Variants in TMEM132D observed in about 807,000 individuals in gnomAD.
The protein encoded by TMEM132D is transmembrane protein 132D.
Under a neutral mutation model 62.3 loss-of-function variants are expected in TMEM132D, and 21 were observed. The ratio of observed to expected loss-of-function variants is 0.34; its 90% CI spans 0.24 to 0.49. TMEM132D has a LOEUF of 0.49. TMEM132D is among the 20% of genes least tolerant of loss of function. The probability of loss-of-function intolerance (pLI) is 0.99; values close to 1 mark genes in which losing one functional copy is unlikely to be tolerated. For synonymous variants in TMEM132D, 621 were observed against 575.6 expected, an observed-to-expected ratio of 1.08 and a Z score of -1.13; for missense variants, 1,346 against 1,402.8, an observed-to-expected ratio of 0.96 and a Z score of 0.65.
intron 3 of TMEM132D, among the ~76,000 whole-genome samples, chr12:129,463,744 A>G (rs1287109510): frequency 1.2e-4 from 18 of 151,644 alleles, no homozygotes; most frequent in East Asian, 3.9e-4. Flanking sequence ...TTGTCCTTGC[A>G]ATAGTTTGCT....
chr12:129,676,140 A>T (rs1565945219), intron 2 of TMEM132D, among the ~76,000 whole-genome samples: 1 of 152,204 alleles, frequency 6.6e-6, no homozygotes, highest in Admixed American at 6.5e-5. Context: ...TGGCCAAAGC[A>T]CAAAGGAGGC....
intron 5 of TMEM132D, 107 bp downstream of exon 5, chr12:129,209,413 T>C: frequency 1.4e-6 from 2 of 1,382,094 alleles, no homozygotes; most frequent in Non-Finnish European, 9.9e-7. Flanking sequence ...GGAGGGATCC[T>C]GTGGGACCCA....
rs576015185 is a variant in TMEM132D at position 129,571,297 on chromosome 12, G to T, written c.969-40092C>A. On this transcript the variant is annotated intron_variant, in intron 2 of 8. Coordinates refer to ENST00000422113, the MANE Select transcript of TMEM132D (RefSeq NM_133448.3). ...TTTGAAATTTAAGGCCGGGCGTGGT[G>T]GTTCACGCCTATAATCCCAGCACTT... Among the ~76,000 whole-genome samples, 5 of 152,266 alleles carry T rather than the reference G, an allele frequency of 3.3e-5. No individual in the cohort carries two copies. The South Asian group carries it at 1.0e-3, about 32-fold the overall frequency.
intron 1 of TMEM132D, among the ~76,000 whole-genome samples, chr12:129,859,557 A>T (rs899000537): frequency 1.3e-5 from 2 of 152,162 alleles, no homozygotes; most frequent in African/African-American, 2.4e-5. Context: ...GCCAGAGAAG[A>T]TGAACAACTG....
At chr12:129,637,440 T>C (rs1397013428) in intron 2 of TMEM132D, among the ~76,000 whole-genome samples, 1 of 152,098 alleles carries the variant, frequency 6.6e-6, no homozygotes, top group African/African-American at 2.4e-5. Context: ...GATCATGGGA[T>C]TGGAGTTCTC....
chr12:129,836,466 G>C (rs1181900268), intron 1 of TMEM132D, among the ~76,000 whole-genome samples: 1 of 151,938 alleles, frequency 6.6e-6, no homozygotes, highest in African/African-American at 2.4e-5. Flanking sequence ...TGATAACTAA[G>C]TGGATTGCTT....
At chr12:129,720,514 C>T (rs912832437) in intron 1 of TMEM132D, among the ~76,000 whole-genome samples, 5 of 152,178 alleles carry the variant, frequency 3.3e-5, no homozygotes, top group African/African-American at 9.7e-5. Flanking sequence ...CTTTCAAAGG[C>T]AGCCTGTTCA....
At chr12:129,541,020 A>C (rs1876569262) in intron 2 of TMEM132D, among the ~76,000 whole-genome samples, 1 of 152,196 alleles carries the variant, frequency 6.6e-6, no homozygotes, top group Non-Finnish European at 1.5e-5. Context: ...TACGTTTTCT[A>C]TTGCCATGGA....
intron 2 of TMEM132D, among the ~76,000 whole-genome samples, chr12:129,641,611 C>T (rs527861120): frequency 2.6e-5 from 4 of 152,236 alleles, no homozygotes; most frequent in East Asian, 1.9e-4. Context: ...AAAATGGTTC[C>T]GAATCTCATG....
At position 129,136,389 on chromosome 12, in the gene TMEM132D, A is replaced by G. The variant is rs116542886; in HGVS notation, c.1444-51687T>C. On this transcript the variant is annotated intron_variant, in intron 5 of 8. Transcript: ENST00000422113. ...TGGGGCTGTTCCTCAGTCTTTCCCTACCTTTCTTGACCTTACCAGTTTGGT... is the reference window on the plus strand; with the variant it reads ...TGGGGCTGTTCCTCAGTCTTTCCCTGCCTTTCTTGACCTTACCAGTTTGGT... 9.4e-3 allele frequency among the ~76,000 whole-genome samples: 1,436 copies of G among 152,074 alleles called. 22 individuals carry two copies. The highest frequency in any genetic ancestry group is 0.033 in the African/African-American group (1,367 of 41,478).
At chr12:129,398,015 G>C (rs1380542395) in intron 3 of TMEM132D, among the ~76,000 whole-genome samples, 1 of 152,148 alleles carries the variant, frequency 6.6e-6, no homozygotes. Context: ...AGTTCTCTCA[G>C]CCAGACCCAA....
intron 4 of TMEM132D, among the ~76,000 whole-genome samples, chr12:129,246,411 G>C (rs904866744): frequency 1.3e-5 from 2 of 152,138 alleles, no homozygotes; most frequent in African/African-American, 4.8e-5. Flanking sequence ...AAGAGAAGCT[G>C]AACCTGACGG....
intron 2 of TMEM132D, among the ~76,000 whole-genome samples, chr12:129,555,302 C>T (rs114350955): frequency 7.2e-5 from 11 of 152,246 alleles, no homozygotes; most frequent in African/African-American, 2.6e-4. Context: ...TTCGAGAATA[C>T]CCCAATGAAA....
chr12:129,103,021 G>A (rs1033597889), intron 5 of TMEM132D, among the ~76,000 whole-genome samples: 5 of 152,198 alleles, frequency 3.3e-5, no homozygotes, highest in African/African-American at 9.6e-5. Context: ...GCACATTTAC[G>A]AAAGTAAACA....
At chr12:129,337,305 A>G (rs1232129182) in intron 4 of TMEM132D, among the ~76,000 whole-genome samples, 1 of 152,186 alleles carries the variant, frequency 6.6e-6, no homozygotes, top group Non-Finnish European at 1.5e-5. Flanking sequence ...ATCATATGCT[A>G]CAAACACATC....
At chr12:129,398,145 C>T (rs1018995277) in intron 3 of TMEM132D, among the ~76,000 whole-genome samples, 1 of 152,194 alleles carries the variant, frequency 6.6e-6, no homozygotes, top group Non-Finnish European at 1.5e-5. Flanking sequence ...CCACCTCTGA[C>T]ACTTTTGGCT....
chr12:129,269,778 G>T (rs1445743083), intron 4 of TMEM132D, among the ~76,000 whole-genome samples: 1 of 152,138 alleles, frequency 6.6e-6, no homozygotes, highest in African/African-American at 2.4e-5. Context: ...TCGTTATTCG[G>T]TCGCAGTTGC....
At chr12:129,229,047 A>G (rs1879561950) in intron 4 of TMEM132D, among the ~76,000 whole-genome samples, 2 of 152,100 alleles carry the variant, frequency 1.3e-5, no homozygotes, top group African/African-American at 4.8e-5. Flanking sequence ...ATTCTCCGGG[A>G]GGGTCTGAAT....
chr12:129,193,298 C>G (rs891488250), intron 5 of TMEM132D, among the ~76,000 whole-genome samples: 8 of 152,148 alleles, frequency 5.3e-5, no homozygotes, highest in African/African-American at 1.7e-4. Flanking sequence ...TTTAATGCAG[C>G]TGTTGCCAAT....
Sources: gnomAD v4.1 joint callset for allele counts (sites outside exome capture counted in the v4.1 genomes callset) on GRCh38, gnomAD v4.1.1 for gene constraint, MANE v1.5 for transcripts, NCBI Gene and HGNC (gene_info 2026-07-23, HGNC 2026-07-21) for gene names.